Variants in EFCAB13 observed in about 807,000 individuals in gnomAD.
The protein encoded by EFCAB13 is EF-hand calcium binding domain 13.
A neutral mutation model predicts 110.2 loss-of-function variants in EFCAB13; 91 were observed. The observed-to-expected ratio is 0.83, with a 90% CI of 0.70 to 0.98. The LOEUF is 0.98. Among genes scored for constraint, EFCAB13 ranks in the 50% least tolerant of loss-of-function variants. EFCAB13 has a pLI of 0.00. For missense variants in EFCAB13, 968 were observed against 1,119.4 expected (o/e 0.86, Z 1.93); for synonymous variants, 323 against 369.9 (o/e 0.87, Z 1.45).
At chr17:47,391,224 G>A (rs1188099795) in intron 14 of EFCAB13, among the ~76,000 whole-genome samples, 1 of 152,116 alleles carries the variant, frequency 6.6e-6, no homozygotes, top group African/African-American at 2.4e-5. Context: ...ACAGGTGTGA[G>A]CTACTGTGTG....
chr17:47,357,731 A>G (rs1002403765), intron 9 of EFCAB13, among the ~76,000 whole-genome samples: 1 of 152,228 alleles, frequency 6.6e-6, no homozygotes, highest in Non-Finnish European at 1.5e-5. Context: ...CATAAATTAT[A>G]TGTATGTATC....
chr17:47,327,417 C>T (rs955236091), intron 3 of EFCAB13, among the ~76,000 whole-genome samples: 6 of 151,994 alleles, frequency 3.9e-5, no homozygotes. Context: ...CCTGCCTTGG[C>T]CTCTCAAAGT....
chr17:47,345,700 C>T (rs1040075414), intron 8 of EFCAB13, among the ~76,000 whole-genome samples: 12 of 152,294 alleles, frequency 7.9e-5, no homozygotes, highest in East Asian at 1.9e-4. Flanking sequence ...AAATCTCAGA[C>T]GTCAACGTCT....
Position 47,395,741 on chromosome 17 carries a change from A to G in EFCAB13, c.1802-93A>G, listed in dbSNP as rs11869768. On this transcript the variant is annotated intron_variant, in intron 16 of 24. Transcript: ENST00000331493. ...ATATTTATTATTCTTTTAAACCATA[A>G]AAACCTTAATTTTTGTCTATTCCAG... The G allele has an allele frequency of 0.021, 24,295 of 1,133,684 alleles. 787 individuals are homozygous for G. Among genetic ancestry groups the G allele is most frequent in the East Asian group, 0.17 (6,677 of 39,238 alleles). 70.2% of individuals were successfully genotyped at this position (1,133,684 alleles called of 1,614,324 possible). A position where few individuals can be genotyped will look rare whatever the true frequency, so the allele number is the denominator to read the frequency against.
chr17:47,396,222 G>T (rs1267539300), intron 17 of EFCAB13, among the ~76,000 whole-genome samples: 1 of 152,050 alleles, frequency 6.6e-6, no homozygotes, highest in Non-Finnish European at 1.5e-5. Flanking sequence ...GTACCTTCAA[G>T]TTGTGTGGTA....
rs1405708070 is a variant in EFCAB13 at position 47,418,565 on chromosome 17, C to T, written c.2494+3646C>T. ...TTTTCTTTCCTGATGTCCTTTGAAG[C>T]ATAAATGATTTTGAATTTGGTAAAG... On this transcript the variant is annotated intron_variant, in intron 23 of 24. Transcript: ENST00000331493. Among the ~76,000 whole-genome samples, 5 of 152,108 alleles carry T rather than the reference C, an allele frequency of 3.3e-5. No individual in the cohort carries two copies. In the East Asian group the frequency reaches 9.6e-4, roughly 29 times the overall value.
chr17:47,403,901 G>C lies in EFCAB13; in HGVS notation c.2041G>C (p.Ala681Pro), dbSNP rs1275167006. Residue 681 changes from alanine to proline, a missense_variant, in exon 19 of 25, where the codon GCT (alanine) becomes CCT (proline). Ala to Pro is a conservative substitution (Grantham distance 27). Coordinates refer to ENST00000331493, the MANE Select transcript of EFCAB13 (RefSeq NM_152347.5). ...AGAGTTACAGGAAGTTGTCTTAGCT[G>C]CTGATTTGCTGGAAGGTGACATGAT... ...LEELQEVVLA[A>P]DLLEGDMIAG... 1.2e-6 allele frequency: 2 copies of C among 1,608,078 alleles called. No homozygotes were observed. The highest frequency in any genetic ancestry group is 2.2e-5 in the South Asian group (2 of 89,610).
chr17:47,428,840 A>G (rs1332038103), intron 23 of EFCAB13, among the ~76,000 whole-genome samples: 1 of 152,106 alleles, frequency 6.6e-6, no homozygotes, highest in Non-Finnish European at 1.5e-5. Context: ...CTGAATTTTT[A>G]TGATTGTATT....
intron 9 of EFCAB13, among the ~76,000 whole-genome samples, chr17:47,357,406 G>A (rs1033800112): frequency 2.0e-5 from 3 of 151,622 alleles, no homozygotes; most frequent in African/African-American, 4.8e-5. Flanking sequence ...CTATTTTGAC[G>A]TTTTGATAAT....
At position 47,395,718 on chromosome 17, in the gene EFCAB13, A is replaced by G. The variant is rs547189549; in HGVS notation, c.1802-116A>G. 6.4e-5 allele frequency: 47 copies of G among 733,730 alleles called. No homozygotes were observed. The African/African-American group carries it at 7.6e-4, about 12-fold the overall frequency. 45.5% of individuals were successfully genotyped at this position (733,730 alleles called of 1,614,324 possible). A position where few individuals can be genotyped will look rare whatever the true frequency, so the allele number is the denominator to read the frequency against. ...AAAGTTGGCAATTCATTTATGCTAT[A>G]TTTATTATTCTTTTAAACCATAAAA... On this transcript the variant is annotated intron_variant, in intron 16 of 24. Transcript: ENST00000331493.
intron 14 of EFCAB13, among the ~76,000 whole-genome samples, chr17:47,380,018 GAAGACAAT>G (rs1203433613): frequency 6.6e-6 from 1 of 152,164 alleles, no homozygotes; most frequent in East Asian, 1.9e-4. Context: ...TGGATTTATT[GAAGACAAT>G]ATTAGCAAGT....
intron 23 of EFCAB13, 54 bp from the exon 24 acceptor site, chr17:47,429,764 A>G: frequency 6.6e-7 from 1 of 1,509,622 alleles, no homozygotes; most frequent in Non-Finnish European, 8.9e-7. Context: ...GATAACTAAT[A>G]ACATATGCTC....
At chr17:47,396,206 C>T (rs2065737291) in intron 17 of EFCAB13, among the ~76,000 whole-genome samples, 1 of 151,906 alleles carries the variant, frequency 6.6e-6, no homozygotes, top group African/African-American at 2.4e-5. Flanking sequence ...ATCAAATATG[C>T]ATTGAGTACC....
rs1275630997 is a variant in EFCAB13, at chr17:47,335,361, G to A, written c.191+5G>A. 1.3e-6 allele frequency: 2 copies of A among 1,578,440 alleles called. No homozygotes were observed. The highest frequency in any genetic ancestry group is 2.0e-5 in the Admixed American group (1 of 50,420). ...GAGCCCAGAATATAAAAAAATGTAA[G>A]TTAAAAACTCTGAACTTACTTTATT... On this transcript the variant is annotated splice_donor_5th_base_variant and intron_variant, in intron 5 of 24. Transcript: ENST00000331493.
intron 15 of EFCAB13, 97 bp downstream of exon 15, chr17:47,391,677 TA>T: frequency 1.8e-6 from 2 of 1,104,182 alleles, no homozygotes; most frequent in Non-Finnish European, 2.5e-6. Flanking sequence ...TTTTTTATTA[TA>T]AAAAGTTAAA....
intron 17 of EFCAB13, among the ~76,000 whole-genome samples, chr17:47,398,323 G>T (rs1189676497): frequency 2.0e-5 from 3 of 150,400 alleles, no homozygotes; most frequent in African/African-American, 7.3e-5. Context: ...GGGAAGTGAG[G>T]AGCCCCTCTG....
chr17:47,384,772 C>A (rs2065667101), intron 14 of EFCAB13, among the ~76,000 whole-genome samples: 1 of 144,410 alleles, frequency 6.9e-6, no homozygotes, highest in South Asian at 2.2e-4. Flanking sequence ...CTGCCCTTAA[C>A]TTTTTTTTTT....
chr17:47,327,472 A>G (rs1335604377), intron 3 of EFCAB13, among the ~76,000 whole-genome samples: 3 of 137,754 alleles, frequency 2.2e-5, no homozygotes, highest in African/African-American at 8.2e-5. Flanking sequence ...CTTTTTTTTT[A>G]TTTTTGAGAC....
intron 15 of EFCAB13, among the ~76,000 whole-genome samples, chr17:47,393,788 G>A (rs1014366116): frequency 1.3e-5 from 2 of 150,988 alleles, no homozygotes; most frequent in African/African-American, 2.4e-5. Flanking sequence ...AAAATATTAT[G>A]TATGCTTGAG....
Sources: allele counts gnomAD v4.1 joint callset (sites outside exome capture counted in the v4.1 genomes callset), GRCh38; gene constraint gnomAD v4.1.1; transcripts MANE v1.5; gene names NCBI Gene and HGNC (gene_info 2026-07-23, HGNC 2026-07-21).